SEMA3A: variants seen among roughly 807,000 people sequenced by gnomAD.
SEMA3A encodes the protein semaphorin-3A.
A neutral mutation model predicts 97.9 loss-of-function variants in SEMA3A; 29 were observed. The observed-to-expected ratio is 0.30, with a 90% CI of 0.22 to 0.40. The LOEUF (loss-of-function observed/expected upper bound fraction) is 0.40, where lower values mean the gene tolerates loss of function less well. Among genes scored for constraint, SEMA3A ranks in the 10% least tolerant of loss-of-function variants. SEMA3A has a pLI of 1.00. For missense variants in SEMA3A, 763 were observed against 951.3 expected (o/e 0.80, Z 2.60); for synonymous variants, 321 against 323.7 (o/e 0.99, Z 0.09).
intron 4 of SEMA3A, 103 bp downstream of exon 4, chr7:84,110,367 G>A: frequency 1.5e-6 from 2 of 1,315,240 alleles, no homozygotes; most frequent in East Asian, 4.7e-5. Context: ...AGGTCCCACT[G>A]AATAGTGAAC....
chr7:84,317,853 C>T (rs1185061506), intron 2 of SEMA3A, among the ~76,000 whole-genome samples: 1 of 152,044 alleles, frequency 6.6e-6, no homozygotes, highest in African/African-American at 2.4e-5. Context: ...TATCTGATTT[C>T]TGGGTAAGCT....
At chr7:84,086,563 A>ATATTATATTTACATATAATATAT (rs1164443953) in intron 4 of SEMA3A, among the ~76,000 whole-genome samples, 563 of 53,480 alleles carry the variant, frequency 0.011, 3 homozygotes, top group Non-Finnish European at 0.027. Flanking sequence ...ATATATTATT[A>ATATTATATTTACATATAATATAT]TATTATATTT....
chr7:84,108,910 G>GGA (rs1554328898), intron 4 of SEMA3A, among the ~76,000 whole-genome samples: 12 of 121,898 alleles, frequency 9.8e-5, no homozygotes, highest in Non-Finnish European at 2.0e-4. Context: ...ATACTCACAA[G>GGA]AAAAAAAAAA....
intron 1 of SEMA3A, among the ~76,000 whole-genome samples, chr7:84,438,436 A>C (rs1382631201): frequency 6.6e-6 from 1 of 152,208 alleles, no homozygotes; most frequent in African/African-American, 2.4e-5. Flanking sequence ...CCAATACAAT[A>C]ATTATAGTAT....
intron 1 of SEMA3A, among the ~76,000 whole-genome samples, chr7:84,171,752 T>TA (rs1181181302): frequency 2.0e-5 from 3 of 152,064 alleles, no homozygotes; most frequent in Non-Finnish European, 4.4e-5. Context: ...CTGCTTTGAT[T>TA]AAAAAAATAT....
At chr7:84,078,882 T>C (rs919599864) in intron 4 of SEMA3A, among the ~76,000 whole-genome samples, 4 of 152,124 alleles carry the variant, frequency 2.6e-5, no homozygotes, top group Non-Finnish European at 5.9e-5. Context: ...TATTTAATGA[T>C]TGCAAAATAC....
intron 1 of SEMA3A, among the ~76,000 whole-genome samples, chr7:84,138,214 A>AT (rs1179768143): frequency 9.4e-5 from 14 of 149,586 alleles, no homozygotes; most frequent in Non-Finnish European, 1.6e-4. Flanking sequence ...AAAACTATAT[A>AT]TATTTTTTTT....
At chr7:84,029,194 C>G (rs1432432567) in intron 6 of SEMA3A, among the ~76,000 whole-genome samples, 1 of 152,140 alleles carries the variant, frequency 6.6e-6, no homozygotes, top group Non-Finnish European at 1.5e-5. Context: ...TTATTATCTA[C>G]TAAATCGTGA....
chr7:84,459,045 T>A (rs1805757625), intron 1 of SEMA3A, among the ~76,000 whole-genome samples: 1 of 152,170 alleles, frequency 6.6e-6, no homozygotes, highest in African/African-American at 2.4e-5. Flanking sequence ...TCTGTGGCAC[T>A]AATATCATCA....
intron 2 of SEMA3A, among the ~76,000 whole-genome samples, chr7:84,320,495 T>C (rs1369736167): frequency 6.6e-6 from 1 of 152,160 alleles, no homozygotes; most frequent in African/African-American, 2.4e-5. Flanking sequence ...TAGCATCAAC[T>C]AATAATATTA....
intron 3 of SEMA3A, among the ~76,000 whole-genome samples, chr7:84,213,052 C>T (rs1190345307): frequency 6.6e-6 from 1 of 152,142 alleles, no homozygotes; most frequent in African/African-American, 2.4e-5. Context: ...CAACCTCTGC[C>T]TACAGGATTT....
chr7:84,339,660 G>A (rs559134775), intron 2 of SEMA3A, among the ~76,000 whole-genome samples: 42 of 152,120 alleles, frequency 2.8e-4, no homozygotes, highest in Middle Eastern at 6.8e-3. Flanking sequence ...TTTTGATTGG[G>A]GCATTTGGGT....
chr7:84,203,513 TA>T (rs1404582380), intron 3 of SEMA3A, among the ~76,000 whole-genome samples: 1 of 50,474 alleles, frequency 2.0e-5, no homozygotes, highest in African/African-American at 7.6e-5. Flanking sequence ...TATATATATA[TA>T]TATATATATA....
intron 3 of SEMA3A, among the ~76,000 whole-genome samples, chr7:84,121,022 G>A (rs535043309): frequency 2.8e-4 from 43 of 152,176 alleles, no homozygotes; most frequent in Admixed American, 1.8e-3. Context: ...TTTTATAATA[G>A]GTATAGCATG....
intron 3 of SEMA3A, among the ~76,000 whole-genome samples, chr7:84,299,338 A>ATCTC (rs368421141): frequency 0.054 from 5,966 of 111,490 alleles, 261 homozygotes; most frequent in East Asian, 0.21. Flanking sequence ...ATATATATGT[A>ATCTC]TCTCTCTCTC....
At chr7:84,036,303 A>T (rs1791937144) in intron 6 of SEMA3A, among the ~76,000 whole-genome samples, 2 of 152,170 alleles carry the variant, frequency 1.3e-5, no homozygotes, top group South Asian at 4.1e-4. Flanking sequence ...TTAGATAAAA[A>T]GTACTATGAT....
intron 2 of SEMA3A, among the ~76,000 whole-genome samples, chr7:84,133,643 T>G (rs1796028053): frequency 6.6e-6 from 1 of 152,140 alleles, no homozygotes; most frequent in Non-Finnish European, 1.5e-5. Context: ...TTCAGATAAT[T>G]ATTATCAGAA....
At chr7:84,081,381 A>G (rs910340187) in intron 4 of SEMA3A, among the ~76,000 whole-genome samples, 1 of 152,146 alleles carries the variant, frequency 6.6e-6, no homozygotes, top group African/African-American at 2.4e-5. Flanking sequence ...TCACGAGGTC[A>G]GGAGATCAAG....
chr7:84,064,478 T>C (rs1311868346), intron 4 of SEMA3A, among the ~76,000 whole-genome samples: 7 of 152,010 alleles, frequency 4.6e-5, no homozygotes, highest in East Asian at 1.9e-4. Context: ...GACTGGCAAA[T>C]TGGATAAAGA....
Sources: gnomAD v4.1 joint callset for allele counts (sites outside exome capture counted in the v4.1 genomes callset) on GRCh38, gnomAD v4.1.1 for gene constraint, MANE v1.5 for transcripts, NCBI Gene and HGNC (gene_info 2026-07-23, HGNC 2026-07-21) for gene names.